FJX1: variants seen among roughly 807,000 people sequenced by gnomAD.
FJX1 encodes the protein four-jointed box protein 1.
A neutral mutation model predicts 28.7 loss-of-function variants in FJX1; 21 were observed. The ratio of observed to expected loss-of-function variants is 0.73; its 90% CI spans 0.52 to 1.05. The LOEUF (loss-of-function observed/expected upper bound fraction) is 1.05, where lower values mean the gene tolerates loss of function less well. FJX1 is among the 50% of genes least tolerant of loss of function. FJX1 has a pLI of 0.00. For synonymous variants in FJX1, 363 were observed against 310.0 expected (o/e 1.17, Z -1.80); for missense variants, 683 against 647.2 (o/e 1.06, Z -0.60).
chr11:35,618,786 G>T lies in FJX1; in HGVS notation c.150G>T (p.Pro50=). The T allele has an allele frequency of 8.0e-7, 1 of 1,246,152 alleles. No homozygotes were observed. Among genetic ancestry groups the T allele is most frequent in the South Asian group, 2.8e-5 (1 of 35,250 alleles). The allele number at this position is 1,246,152 out of a possible 1,614,324, so 77.2% of individuals were successfully genotyped here. Residue 50 remains proline (P), a synonymous_variant, in exon 1 of 1, where the codon CCG becomes CCT. Transcript: ENST00000317811. This position sits in a 1 kb window ranked among gnomAD's most constrained non-coding sequence, Gnocchi z 4.2. ...CCGAAGACCGACTCCCACGGCGCCC[G>T]GCCCGGAGCGGCGGCCCCGCGCCCG... The part of the protein sequence containing the change: ...RPPEDRLPRR[P]ARSGGPAPAP...
Position 35,619,241 on chromosome 11 carries a change from G to T in FJX1, c.605G>T (p.Gly202Val). 6.3e-7 allele frequency: 1 copy of T among 1,576,594 alleles called. No homozygotes were observed. Among genetic ancestry groups the T allele is most frequent in the Non-Finnish European group, 8.5e-7 (1 of 1,170,818 alleles). The change falls in exon 1 of 1, where the codon GGC (glycine) becomes GTC (valine). Residue 202 changes from glycine to valine, a missense_variant. Physicochemically the swap from Gly to Val is moderately radical, Grantham distance 109. Coordinates refer to ENST00000317811, the MANE Select transcript of FJX1 (RefSeq NM_014344.4). This position sits in a 1 kb window ranked among gnomAD's most constrained non-coding sequence, Gnocchi z 7.6. ...ALSYYLARLL[G>V]LQRHVPPLAL... ...TCTTACTATCTGGCGCGCCTGCTGGGCCTCCAGCGCCACGTGCCGCCGCTG... is the reference window on the plus strand; with the variant it reads ...TCTTACTATCTGGCGCGCCTGCTGGTCCTCCAGCGCCACGTGCCGCCGCTG...
Position 35,618,882 on chromosome 11 carries a change from G to C in FJX1, c.246G>C (p.Ala82=). The stretch of plus-strand genomic sequence containing the variant: ...GCGGCTCCCTGAAAACTTTCCGGGC[G>C]CTGCTCACCCTGGCGGCCGGCGCGG... ...ARGGSLKTFR[A]LLTLAAGADG... is the part of the protein sequence containing the mutation. The change falls in exon 1 of 1, where the codon GCG becomes GCC. Residue 82 remains alanine (A), a synonymous_variant. Transcript: ENST00000317811. This position sits in a 1 kb window ranked among gnomAD's most constrained non-coding sequence, Gnocchi z 4.2. 4.4e-6 allele frequency: 6 copies of C among 1,374,406 alleles called. No homozygotes were observed. Among genetic ancestry groups the C allele is most frequent in the Non-Finnish European group, 5.6e-6 (6 of 1,067,802 alleles). 85.1% of individuals were successfully genotyped at this position (1,374,406 alleles called of 1,614,324 possible). A position where few individuals can be genotyped will look rare whatever the true frequency, so the allele number is the denominator to read the frequency against.
At position 35,619,779 on chromosome 11, in the gene FJX1, A is replaced by G; in HGVS notation, c.1143A>G (p.Gly381=). Residue 381 remains glycine, a synonymous_variant, in exon 1 of 1, where the codon GGA becomes GGG. Transcript: ENST00000317811. This position sits in a 1 kb window ranked among gnomAD's most constrained non-coding sequence, Gnocchi z 7.6. ...TARRVLELHR[G]QDAAARLLRL... is the part of the protein sequence containing the mutation. ...GGCGCGTCCTGGAGCTGCACCGCGG[A>G]CAGGACGCCGCGGCCCGGCTGCTGC... is the stretch of plus-strand genomic sequence containing the variant. 10 of 1,551,366 alleles carry G rather than the reference A, an allele frequency of 6.4e-6. No homozygotes were observed. Among genetic ancestry groups the G allele is most frequent in the Non-Finnish European group, 8.7e-6 (10 of 1,148,200 alleles).
Position 35,619,627 on chromosome 11 carries a change from G to A in FJX1, c.991G>A (p.Gly331Ser), listed in dbSNP as rs1183052315. 6.2e-7 allele frequency: 1 copy of A among 1,610,466 alleles called. No homozygotes were observed. Among genetic ancestry groups the A allele is most frequent in the Non-Finnish European group, 8.5e-7 (1 of 1,179,794 alleles). Residue 331 changes from glycine to serine, a missense_variant, in exon 1 of 1, where the codon GGC becomes AGC. Physicochemically the swap from Gly to Ser is moderately conservative, Grantham distance 56. Transcript: ENST00000317811. The surrounding 1 kb of genome is among the most constrained non-coding windows in gnomAD (Gnocchi z 7.6). ...RATSNLHRGP[G>S]GALVFLDNEA... The stretch of plus-strand genomic sequence containing the variant: ...CACCAGCAACCTGCACCGCGGTCCG[G>A]GCGGGGCGCTGGTCTTTCTGGACAA...
Position 35,618,572 on chromosome 11 carries a change from G to A in FJX1, c.-65G>A, listed in dbSNP as rs1218543439. On this transcript the variant is annotated 5_prime_UTR_variant, in exon 1 of 1. Coordinates refer to ENST00000317811, the MANE Select transcript of FJX1 (RefSeq NM_014344.4). This position sits in a 1 kb window ranked among gnomAD's most constrained non-coding sequence, Gnocchi z 4.2. ...CACAAACTGCCGGGCCCGCCTCGCC[G>A]CCGGGACCCGGGTGCCTGGGCTCGG... 9.2e-7 allele frequency: 1 copy of A among 1,088,264 alleles called. No individual in the cohort carries two copies. The highest frequency in any genetic ancestry group is 1.7e-5 in the African/African-American group (1 of 59,556). 67.4% of individuals were successfully genotyped at this position (1,088,264 alleles called of 1,614,324 possible).
At position 35,619,291 on chromosome 11, in the gene FJX1, G is replaced by A. The variant is rs1423404196; in HGVS notation, c.655G>A (p.Gly219Ser). The change falls in exon 1 of 1, where the codon GGC (glycine) becomes AGC (serine). Residue 219 changes from glycine to serine, a missense_variant. Transcript: ENST00000317811. The surrounding 1 kb of genome is among the most constrained non-coding windows in gnomAD (Gnocchi z 7.6). ...PLALARVEAR[G>S]AQWAQVQEEL... is the part of the protein sequence containing the mutation. ...GGCACTGGCTCGGGTGGAGGCTCGGGGCGCGCAGTGGGCGCAGGTGCAGGA... is the reference window on the plus strand; with the variant it reads ...GGCACTGGCTCGGGTGGAGGCTCGGAGCGCGCAGTGGGCGCAGGTGCAGGA... 1.3e-6 allele frequency: 2 copies of A among 1,556,836 alleles called. No homozygotes were observed. Among genetic ancestry groups the A allele is most frequent in the Admixed American group, 1.9e-5 (1 of 53,360 alleles).
chr11:35,619,259 C>T lies in FJX1; in HGVS notation c.623C>T (p.Pro208Leu). ...CTGCTGGGCCTCCAGCGCCACGTGC[C>T]GCCGCTGGCACTGGCTCGGGTGGAG... ...ARLLGLQRHV[P>L]PLALARVEAR... The change falls in exon 1 of 1, where the codon CCG becomes CTG. Residue 208 changes from proline to leucine, a missense_variant. By Grantham distance (98) the Pro-to-Leu change is moderately conservative (BLOSUM62 -3). Coordinates refer to ENST00000317811, the MANE Select transcript of FJX1 (RefSeq NM_014344.4). The surrounding 1 kb of genome is among the most constrained non-coding windows in gnomAD (Gnocchi z 7.6). The T allele has an allele frequency of 3.8e-6, 6 of 1,568,504 alleles. No individual in the cohort carries two copies. The highest frequency in any genetic ancestry group is 5.1e-6 in the Non-Finnish European group (6 of 1,167,044).
rs1850856762 is a variant in FJX1 at position 35,618,868 on chromosome 11, A to C, written c.232A>C (p.Lys78Gln). The C allele has an allele frequency of 1.5e-6, 2 of 1,363,998 alleles. No homozygotes were observed. The highest frequency in any genetic ancestry group is 3.1e-5 in the African/African-American group (2 of 65,426). 84.5% of individuals were successfully genotyped at this position (1,363,998 alleles called of 1,614,324 possible). ...GTGGGACGCCCGCGGCGGCTCCCTG[A>C]AAACTTTCCGGGCGCTGCTCACCCT... is the stretch of plus-strand genomic sequence containing the variant. ...LAWDARGGSLKTFRALLTLAA... is the reference protein window; with the variant it reads ...LAWDARGGSLQTFRALLTLAA... The change falls in exon 1 of 1, where the codon AAA (lysine) becomes CAA (glutamine). Residue 78 changes from lysine to glutamine, a missense_variant. By Grantham distance (53) the Lys-to-Gln change is moderately conservative. Transcript: ENST00000317811. This position sits in a 1 kb window ranked among gnomAD's most constrained non-coding sequence, Gnocchi z 4.2.
Position 35,618,992 on chromosome 11 carries a change from A to C in FJX1, c.356A>C (p.His119Pro), listed in dbSNP as rs1006835310. Residue 119 changes from histidine to proline, a missense_variant, in exon 1 of 1, where the codon CAC (histidine) becomes CCC (proline). Physicochemically the swap from His to Pro is moderately conservative, Grantham distance 77. Coordinates refer to ENST00000317811, the MANE Select transcript of FJX1 (RefSeq NM_014344.4). This position sits in a 1 kb window ranked among gnomAD's most constrained non-coding sequence, Gnocchi z 4.2. ...CGGCCGGAGGAGAGCGCCGCGGTGC[A>C]CGGGGGCGTCTTCTGGAGCCGCGGC... The part of the protein sequence containing the change: ...QPRPEESAAV[H>P]GGVFWSRGLE... 14 of 1,476,068 alleles carry C rather than the reference A, an allele frequency of 9.5e-6. No individual in the cohort carries two copies. The highest frequency in any genetic ancestry group is 2.5e-5 in the Admixed American group (1 of 40,418). The allele number at this position is 1,476,068 out of a possible 1,614,324, so 91.4% of individuals were successfully genotyped here.
rs1850882842 is a variant in FJX1 at position 35,620,137 on chromosome 11, G to A, written c.*187G>A. The stretch of plus-strand genomic sequence containing the variant: ...ACGCTGTTTCCTTTCAAAGTTCTGG[G>A]AGGACGAACTCACCGAGGCGAGAAG... On this transcript the variant is annotated 3_prime_UTR_variant, in exon 1 of 1. Transcript: ENST00000317811. The A allele has an allele frequency of 1.2e-6, 1 of 859,950 alleles. No homozygotes were observed. The highest frequency in any genetic ancestry group is 1.8e-6 in the Non-Finnish European group (1 of 559,716). The allele number at this position is 859,950 out of a possible 1,614,324, so 53.3% of individuals were successfully genotyped here.
rs1850849786 is a variant in FJX1, at chr11:35,618,569, G to T, written c.-68G>T. The T allele has an allele frequency of 9.2e-7, 1 of 1,084,590 alleles. No individual in the cohort carries two copies. The highest frequency in any genetic ancestry group is 1.1e-6 in the Non-Finnish European group (1 of 895,388). 67.2% of individuals were successfully genotyped at this position (1,084,590 alleles called of 1,614,324 possible). A position where few individuals can be genotyped will look rare whatever the true frequency, so the allele number is the denominator to read the frequency against. On this transcript the variant is annotated 5_prime_UTR_variant, in exon 1 of 1. Transcript: ENST00000317811. The surrounding 1 kb of genome is among the most constrained non-coding windows in gnomAD (Gnocchi z 4.2). ...GCCCACAAACTGCCGGGCCCGCCTC[G>T]CCGCCGGGACCCGGGTGCCTGGGCT... is the stretch of plus-strand genomic sequence containing the variant.
At position 35,618,732 on chromosome 11, in the gene FJX1, G is replaced by A. The variant is rs1173133841; in HGVS notation, c.96G>A (p.Pro32=). The change falls in exon 1 of 1, where the codon CCG becomes CCA. Residue 32 remains proline (P), a synonymous_variant. Transcript: ENST00000317811. This position sits in a 1 kb window ranked among gnomAD's most constrained non-coding sequence, Gnocchi z 4.2. ...CGCTGTGGGGAGGGCTCCTGCCGCCGCGGACCGAGCTGCCCGCCTCCCGGC... is the reference window on the plus strand; with the variant it reads ...CGCTGTGGGGAGGGCTCCTGCCGCCACGGACCGAGCTGCCCGCCTCCCGGC... ...LLALWGGLLP[P]RTELPASRPP... 2 of 1,255,838 alleles carry A rather than the reference G, an allele frequency of 1.6e-6. No individual in the cohort carries two copies. The highest frequency in any genetic ancestry group is 3.1e-4 in the Middle Eastern group (1 of 3,222). 77.8% of individuals were successfully genotyped at this position (1,255,838 alleles called of 1,614,324 possible).
Position 35,619,813 on chromosome 11 carries a change from C to A in FJX1, c.1177C>A (p.Arg393=), listed in dbSNP as rs1315890321. ...CGCGGCCCGGCTGCTGCGCCTCTACCGGCGCCACGAGCCTCGCTTCCCCGA... is the reference window on the plus strand; with the variant it reads ...CGCGGCCCGGCTGCTGCGCCTCTACAGGCGCCACGAGCCTCGCTTCCCCGA... ...DAAARLLRLY[R]RHEPRFPELA... is the part of the protein sequence containing the mutation. The change falls in exon 1 of 1, where the codon CGG becomes AGG. Residue 393 remains arginine (R), a synonymous_variant. Coordinates refer to ENST00000317811, the MANE Select transcript of FJX1 (RefSeq NM_014344.4). The surrounding 1 kb of genome is among the most constrained non-coding windows in gnomAD (Gnocchi z 7.6). The A allele has an allele frequency of 3.2e-6, 5 of 1,550,560 alleles. No homozygotes were observed. The South Asian group carries it at 3.6e-5, about 11-fold the overall frequency.
In FJX1 at chr11:35,619,785, C is replaced by G. The variant is rs768966541; in HGVS notation, c.1149C>G (p.Asp383Glu). 6.5e-7 allele frequency: 1 copy of G among 1,550,068 alleles called. No individual in the cohort carries two copies. The highest frequency in any genetic ancestry group is 1.4e-5 in the African/African-American group (1 of 73,152). The change falls in exon 1 of 1, where the codon GAC becomes GAG. Residue 383 changes from aspartate (D) to glutamate (E), a missense_variant. Asp to Glu is a conservative substitution (Grantham distance 45). Coordinates refer to ENST00000317811, the MANE Select transcript of FJX1 (RefSeq NM_014344.4). The surrounding 1 kb of genome is among the most constrained non-coding windows in gnomAD (Gnocchi z 7.6). The part of the protein sequence containing the change: ...RRVLELHRGQ[D>E]AAARLLRLYR... ...TCCTGGAGCTGCACCGCGGACAGGACGCCGCGGCCCGGCTGCTGCGCCTCT... is the reference window on the plus strand; with the variant it reads ...TCCTGGAGCTGCACCGCGGACAGGAGGCCGCGGCCCGGCTGCTGCGCCTCT...
At position 35,619,361 on chromosome 11, in the gene FJX1, T is replaced by A; in HGVS notation, c.725T>A (p.Leu242Gln). ...TGGACCGAGGGCAGCGTGGTGAGCCTGACACGCTGGCTGCCCAACCTCACG... is the reference window on the plus strand; with the variant it reads ...TGGACCGAGGGCAGCGTGGTGAGCCAGACACGCTGGCTGCCCAACCTCACG... ...AHWTEGSVVS[L>Q]TRWLPNLTDV... The change falls in exon 1 of 1, where the codon CTG becomes CAG. Residue 242 changes from leucine to glutamine, a missense_variant. Coordinates refer to ENST00000317811, the MANE Select transcript of FJX1 (RefSeq NM_014344.4). The surrounding 1 kb of genome is among the most constrained non-coding windows in gnomAD (Gnocchi z 7.6). The A allele has an allele frequency of 6.3e-7, 1 of 1,586,624 alleles. No individual in the cohort carries two copies. Among genetic ancestry groups the A allele is most frequent in the Non-Finnish European group, 8.5e-7 (1 of 1,174,302 alleles).
In FJX1 at chr11:35,620,583, T is replaced by G. The variant is rs1240131499; in HGVS notation, c.*633T>G. On this transcript the variant is annotated 3_prime_UTR_variant, in exon 1 of 1. Transcript: ENST00000317811. ...CTGACTCATTCCTGACCTCTTGTCATTTTGGCCTGAAGGCTACAAATTCAG... is the reference window on the plus strand; with the variant it reads ...CTGACTCATTCCTGACCTCTTGTCAGTTTGGCCTGAAGGCTACAAATTCAG... 1.2e-5 allele frequency: 2 copies of G among 167,814 alleles called. No individual in the cohort carries two copies. Among genetic ancestry groups the G allele is most frequent in the Non-Finnish European group, 2.9e-5 (2 of 68,772 alleles). 10.4% of individuals were successfully genotyped at this position (167,814 alleles called of 1,614,324 possible). A position where few individuals can be genotyped will look rare whatever the true frequency, so the allele number is the denominator to read the frequency against.
chr11:35,618,796 G>T lies in FJX1; in HGVS notation c.160G>T (p.Gly54Cys). ...DRLPRRPARSGGPAPAPRFPL... is the reference protein window; with the variant it reads ...DRLPRRPARSCGPAPAPRFPL... ...ACTCCCACGGCGCCCGGCCCGGAGCGGCGGCCCCGCGCCCGCGCCTCGCTT... is the reference window on the plus strand; with the variant it reads ...ACTCCCACGGCGCCCGGCCCGGAGCTGCGGCCCCGCGCCCGCGCCTCGCTT... The change falls in exon 1 of 1, where the codon GGC becomes TGC. Residue 54 changes from glycine (G) to cysteine (C), a missense_variant. Physicochemically the swap from Gly to Cys is radical, Grantham distance 159 (BLOSUM62 -3). Coordinates refer to ENST00000317811, the MANE Select transcript of FJX1 (RefSeq NM_014344.4). This position sits in a 1 kb window ranked among gnomAD's most constrained non-coding sequence, Gnocchi z 4.2. 1 of 1,248,838 alleles carries T rather than the reference G, an allele frequency of 8.0e-7. No homozygotes were observed. Among genetic ancestry groups the T allele is most frequent in the Non-Finnish European group, 1.0e-6 (1 of 998,078 alleles). The allele number at this position is 1,248,838 out of a possible 1,614,324, so 77.4% of individuals were successfully genotyped here.
In FJX1 at chr11:35,618,945, G is replaced by A. The variant is rs1323088826; in HGVS notation, c.309G>A (p.Trp103Ter). 5.4e-6 allele frequency: 8 copies of A among 1,469,146 alleles called. No homozygotes were observed. The highest frequency in any genetic ancestry group is 6.3e-6 in the Non-Finnish European group (7 of 1,118,358). 91.0% of individuals were successfully genotyped at this position (1,469,146 alleles called of 1,614,324 possible). ...GGCAGTCCCGGAGCGAGCCCAGGTG[G>A]CACGTGTCAGCCAGGCAGCCCCGGC... is the stretch of plus-strand genomic sequence containing the variant. ...PPRQSRSEPR[W>*]HVSARQPRPE... is the part of the protein sequence containing the mutation. The change falls in exon 1 of 1, where the codon TGG becomes TGA. Residue 103 changes from tryptophan to a stop codon, truncating the protein, a stop_gained. Transcript: ENST00000317811. LOFTEE classifies it high-confidence loss of function. The surrounding 1 kb of genome is among the most constrained non-coding windows in gnomAD (Gnocchi z 4.2).
In FJX1 at chr11:35,619,219, T is replaced by TA. The variant is rs768409515; in HGVS notation, c.584dup (p.Tyr195Ter). Residue 195 changes from tyrosine (Y) to a stop codon, truncating the protein, a stop_gained and frameshift_variant, in exon 1 of 1, where the codon TAC (tyrosine) becomes TAAC (stop). Transcript: ENST00000317811. LOFTEE classifies it high-confidence loss of function. This position sits in a 1 kb window ranked among gnomAD's most constrained non-coding sequence, Gnocchi z 7.6. ...PEQIQGEALS[Y>*]YLARLLGLQR... ...GCAGATTCAGGGCGAGGCCCTGTCT[T>TA]ACTATCTGGCGCGCCTGCTGGGCCT... 1 of 1,587,844 alleles carries TA rather than the reference T, an allele frequency of 6.3e-7. No individual in the cohort carries two copies. Among genetic ancestry groups the TA allele is most frequent in the Admixed American group, 1.7e-5 (1 of 58,054 alleles).
Sources: allele counts gnomAD v4.1 joint callset, GRCh38; gene constraint gnomAD v4.1.1; non-coding constraint Gnocchi (gnomAD v3.1); transcripts MANE v1.5; gene names NCBI Gene and HGNC (gene_info 2026-07-23, HGNC 2026-07-21).